MAN1A2: variants seen among roughly 807,000 people sequenced by gnomAD.
The protein encoded by MAN1A2 is mannosidase alpha class 1A member 2.
MAN1A2 carries 26 observed loss-of-function variants against 75.7 expected under a neutral mutation model. The ratio of observed to expected loss-of-function variants is 0.34; its 90% CI spans 0.25 to 0.48. The LOEUF (loss-of-function observed/expected upper bound fraction) is 0.48. MAN1A2 is among the 20% of genes least tolerant of loss of function. The pLI is 0.99. For missense variants in MAN1A2, 562 were observed against 775.5 expected (o/e 0.72, Z 3.27); for synonymous variants, 247 against 264.6 (o/e 0.93, Z 0.65).
intron 3 of MAN1A2, among the ~76,000 whole-genome samples, chr1:117,409,836 T>C (rs1413826690): frequency 1.3e-5 from 2 of 151,990 alleles, no homozygotes; most frequent in Non-Finnish European, 2.9e-5. Flanking sequence ...AAGGAAACTA[T>C]AGAGCAATAT....
intron 6 of MAN1A2, among the ~76,000 whole-genome samples, chr1:117,454,473 A>C (rs1649517683): frequency 6.6e-6 from 1 of 152,222 alleles, no homozygotes; most frequent in Non-Finnish European, 1.5e-5. Flanking sequence ...ATCCATCTTG[A>C]AAGTGTTGAA....
chr1:117,486,810 A>G (rs1412890776), intron 8 of MAN1A2, among the ~76,000 whole-genome samples: 1 of 151,998 alleles, frequency 6.6e-6, no homozygotes, highest in Non-Finnish European at 1.5e-5. Flanking sequence ...AAGAAATAGT[A>G]GAAAAGATTT....
intron 4 of MAN1A2, among the ~76,000 whole-genome samples, chr1:117,420,230 C>T (rs1415005439): frequency 6.6e-6 from 1 of 151,998 alleles, no homozygotes; most frequent in Non-Finnish European, 1.5e-5. Context: ...GAGTGCTATT[C>T]TAGAATCATG....
intron 8 of MAN1A2, among the ~76,000 whole-genome samples, chr1:117,484,251 A>AGTACT (rs2101863528): frequency 6.6e-6 from 1 of 152,086 alleles, no homozygotes; most frequent in Admixed American, 6.6e-5. Flanking sequence ...ATACATACAC[A>AGTACT]GTACTGTACT....
intron 9 of MAN1A2, 46 bp from the exon 10 acceptor site, chr1:117,496,717 C>A: frequency 7.3e-7 from 1 of 1,364,530 alleles, no homozygotes; most frequent in East Asian, 2.3e-5. Flanking sequence ...AGTTTGAACA[C>A]TAATAGTTTG....
chr1:117,447,274 CTT>C (rs1649265813), intron 6 of MAN1A2, among the ~76,000 whole-genome samples: 2 of 152,036 alleles, frequency 1.3e-5, no homozygotes, highest in East Asian at 3.8e-4. Flanking sequence ...TGTATCAACA[CTT>C]TATATATAAT....
At chr1:117,463,324 A>C (rs1045168033) in intron 7 of MAN1A2, among the ~76,000 whole-genome samples, 4 of 152,096 alleles carry the variant, frequency 2.6e-5, no homozygotes, top group Non-Finnish European at 5.9e-5. Flanking sequence ...AAAGAGAGTC[A>C]GCCAACTCCT....
At chr1:117,507,594 T>A (rs916224531) in intron 12 of MAN1A2, among the ~76,000 whole-genome samples, 2 of 151,710 alleles carry the variant, frequency 1.3e-5, no homozygotes, top group African/African-American at 4.8e-5. Context: ...ATGTATAGAC[T>A]GTTTATTTCT....
chr1:117,370,714 C>G (rs1295664514), intron 1 of MAN1A2, among the ~76,000 whole-genome samples: 1 of 147,564 alleles, frequency 6.8e-6, no homozygotes, highest in Non-Finnish European at 1.5e-5. Flanking sequence ...TTAGAAGAAA[C>G]AAATTGACAG....
At chr1:117,452,506 G>C (rs1649454259) in intron 6 of MAN1A2, among the ~76,000 whole-genome samples, 1 of 152,188 alleles carries the variant, frequency 6.6e-6, no homozygotes, top group Admixed American at 6.5e-5. Flanking sequence ...AAGTGAAATA[G>C]TTATATTGCC....
At position 117,466,360 on chromosome 1, in the gene MAN1A2, G is replaced by A; in HGVS notation, c.1101G>A (p.Gln367=). 6.2e-7 allele frequency: 1 copy of A among 1,611,512 alleles called. No individual in the cohort carries two copies. The highest frequency in any genetic ancestry group is 1.3e-5 in the African/African-American group (1 of 74,854). Residue 367 remains glutamine, a synonymous_variant, in exon 8 of 13, where the codon CAG becomes CAA. Transcript: ENST00000356554. ...TTATGCACATTCGGAAACTACTTCA[G>A]AAAATGGATCGTCCAAATGGTCTTT... ...KKVMHIRKLL[Q]KMDRPNGLYP...
At chr1:117,467,080 G>T (rs996564493) in intron 8 of MAN1A2, among the ~76,000 whole-genome samples, 1 of 152,072 alleles carries the variant, frequency 6.6e-6, no homozygotes, top group African/African-American at 2.4e-5. Context: ...TTTCTTATTA[G>T]AACTCATTTA....
At chr1:117,447,196 A>T (rs1349023711) in intron 6 of MAN1A2, among the ~76,000 whole-genome samples, 1 of 152,114 alleles carries the variant, frequency 6.6e-6, no homozygotes, top group Non-Finnish European at 1.5e-5. Context: ...TCATAATACA[A>T]ATTTTGTTAT....
intron 1 of MAN1A2, among the ~76,000 whole-genome samples, chr1:117,370,738 A>T (rs902120513): frequency 2.6e-4 from 39 of 148,316 alleles, no homozygotes; most frequent in African/African-American, 6.0e-4. Context: ...ATCTTCATTT[A>T]GTGTGTGTGT....
chr1:117,435,925 G>A (rs1419438477), intron 5 of MAN1A2, among the ~76,000 whole-genome samples: 2 of 152,076 alleles, frequency 1.3e-5, no homozygotes, highest in Non-Finnish European at 2.9e-5. Flanking sequence ...AGGCGTGGTG[G>A]CAGATGCCTG....
intron 1 of MAN1A2, among the ~76,000 whole-genome samples, chr1:117,387,018 A>G (rs1422971168): frequency 6.6e-6 from 1 of 152,100 alleles, no homozygotes; most frequent in Non-Finnish European, 1.5e-5. Context: ...GAATATATAA[A>G]GAACTCCTAC....
At chr1:117,513,759 A>G (rs1466256464) in intron 12 of MAN1A2, among the ~76,000 whole-genome samples, 1 of 152,134 alleles carries the variant, frequency 6.6e-6, no homozygotes, top group African/African-American at 2.4e-5. Context: ...CTCAAAACTC[A>G]GGTAAATATT....
rs1390044849 is a variant in MAN1A2 at position 117,524,776 on chromosome 1, T to A, written c.*1819T>A. On this transcript the variant is annotated 3_prime_UTR_variant, in exon 13 of 13. Transcript: ENST00000356554. Reference sequence around the variant, plus strand: ...GATGCAGGGCCAGTTACAATAGTCCTTAAGAGAGTTAAATTATAGCACATG... The same window carrying A: ...GATGCAGGGCCAGTTACAATAGTCCATAAGAGAGTTAAATTATAGCACATG... 3 of 175,082 alleles carry A rather than the reference T, an allele frequency of 1.7e-5. No individual in the cohort carries two copies. Among genetic ancestry groups the A allele is most frequent in the Non-Finnish European group, 2.5e-5 (2 of 80,938 alleles). 10.8% of individuals were successfully genotyped at this position (175,082 alleles called of 1,614,324 possible).
intron 5 of MAN1A2, among the ~76,000 whole-genome samples, chr1:117,424,777 C>T (rs764818521): frequency 1.2e-4 from 18 of 152,176 alleles, no homozygotes; most frequent in Non-Finnish European, 2.5e-4. Context: ...TGCCTTTCTT[C>T]ATAAAATCTT....
Sources: allele counts gnomAD v4.1 joint callset (sites outside exome capture counted in the v4.1 genomes callset), GRCh38; gene constraint gnomAD v4.1.1; transcripts MANE v1.5; gene names NCBI Gene and HGNC (gene_info 2026-07-23, HGNC 2026-07-21).